The following TLE4 variants were observed in gnomAD, a reference collection of about 807,000 sequenced individuals.
The protein encoded by TLE4 is TLE family member 4, transcriptional corepressor.
Under a neutral mutation model 92.8 loss-of-function variants are expected in TLE4, and 8 were observed. That is an observed-to-expected ratio of 0.09 (90% CI 0.05 to 0.16). The LOEUF (loss-of-function observed/expected upper bound fraction) is 0.16, where lower values mean the gene tolerates loss of function less well. TLE4 is among the 10% of genes least tolerant of loss of function. TLE4 has a pLI of 1.00. For missense variants in TLE4, 675 were observed against 997.6 expected (o/e 0.68, Z 4.36); for synonymous variants, 371 against 374.1 (o/e 0.99, Z 0.10).
intron 8 of TLE4, among the ~76,000 whole-genome samples, chr9:79,696,317 TTCTG>T (rs562689258): frequency 1.2e-4 from 18 of 152,202 alleles, no homozygotes; most frequent in South Asian, 8.3e-4. Context: ...CACATTATAT[TTCTG>T]TCTGTCAGCG....
At chr9:79,707,135 G>A in intron 11 of TLE4, 1 of 1,613,040 alleles carries the variant, frequency 6.2e-7, no homozygotes, top group Non-Finnish European at 8.5e-7. Flanking sequence ...GAGGGATATG[G>A]GGAAATTGAG....
At chr9:79,708,400 C>A in intron 12 of TLE4, 150 bp downstream of exon 12, 2 of 1,143,908 alleles carry the variant, frequency 1.7e-6, no homozygotes, top group Non-Finnish European at 2.4e-6. Flanking sequence ...CACCTGGGAC[C>A]AACCTTGTCT....
intron 6 of TLE4, among the ~76,000 whole-genome samples, chr9:79,650,150 A>G (rs1484315616): frequency 1.3e-5 from 2 of 152,094 alleles, no homozygotes; most frequent in Non-Finnish European, 2.9e-5. Context: ...TCCTGGGCTC[A>G]AGTGATCTGA....
At chr9:79,582,548 C>T (rs116182992) in intron 4 of TLE4, among the ~76,000 whole-genome samples, 2 of 148,748 alleles carry the variant, frequency 1.3e-5, no homozygotes, top group Non-Finnish European at 1.5e-5. Flanking sequence ...TCTTTTTTTT[C>T]TTGTGTTATA....
At chr9:79,682,071 G>C (rs898026117) in intron 8 of TLE4, among the ~76,000 whole-genome samples, 3 of 151,958 alleles carry the variant, frequency 2.0e-5, no homozygotes, top group South Asian at 2.1e-4. Flanking sequence ...ATTGGCAGTT[G>C]GTTGGAGTTT....
chr9:79,698,887 A>ATG (rs1291298080), intron 8 of TLE4, among the ~76,000 whole-genome samples: 1 of 149,100 alleles, frequency 6.7e-6, no homozygotes, highest in Non-Finnish European at 1.5e-5. Flanking sequence ...ATATATATAT[A>ATG]TGTATATCCT....
chr9:79,676,702 T>G (rs2063319229), intron 8 of TLE4, among the ~76,000 whole-genome samples: 1 of 152,154 alleles, frequency 6.6e-6, no homozygotes, highest in Non-Finnish European at 1.5e-5. Flanking sequence ...TAGCCTTATC[T>G]ATGACGTCTG....
At chr9:79,605,807 T>G (rs1366577679) in intron 4 of TLE4, among the ~76,000 whole-genome samples, 3 of 152,162 alleles carry the variant, frequency 2.0e-5, no homozygotes, top group Non-Finnish European at 4.4e-5. Flanking sequence ...CATTGGGTAC[T>G]TTAAAGCACA....
At position 79,584,017 on chromosome 9, in the gene TLE4, A is replaced by G. The variant is rs76445472; in HGVS notation, c.252+7840A>G. On this transcript the variant is annotated intron_variant, in intron 4 of 19. Coordinates refer to ENST00000376552, the MANE Select transcript of TLE4 (RefSeq NM_007005.6). Reference sequence around the variant, plus strand: ...AAGAGACTAGCCCAGTGTCACAGTCAGGGAGGATCAGCACGGGGGTGGAGA... The same window carrying G: ...AAGAGACTAGCCCAGTGTCACAGTCGGGGAGGATCAGCACGGGGGTGGAGA... Among the ~76,000 whole-genome samples the G allele has an allele frequency of 4.5e-3, 688 of 152,314 alleles. 5 individuals carry two copies. Among genetic ancestry groups the G allele is most frequent in the African/African-American group, 0.016 (649 of 41,568 alleles).
intron 6 of TLE4, among the ~76,000 whole-genome samples, chr9:79,638,843 C>T (rs1222743327): frequency 6.6e-6 from 1 of 152,086 alleles, no homozygotes; most frequent in East Asian, 1.9e-4. Context: ...CAGCTAATAG[C>T]TTCAGAATGG....
chr9:79,626,394 G>GA (rs2052614768), intron 5 of TLE4, among the ~76,000 whole-genome samples: 1 of 152,210 alleles, frequency 6.6e-6, no homozygotes, highest in African/African-American at 2.4e-5. Context: ...CAGATGTACA[G>GA]AGGAGTACTT....
chr9:79,634,715 T>C (rs1405024232), intron 6 of TLE4, among the ~76,000 whole-genome samples: 1 of 152,172 alleles, frequency 6.6e-6, no homozygotes, highest in Non-Finnish European at 1.5e-5. Flanking sequence ...GTGAGCCTTT[T>C]TGACAATGTC....
chr9:79,680,397 G>T (rs1269088198), intron 8 of TLE4, among the ~76,000 whole-genome samples: 1 of 152,152 alleles, frequency 6.6e-6, no homozygotes, highest in African/African-American at 2.4e-5. Context: ...TTGAAGCAAT[G>T]GGAGTTCACT....
intron 4 of TLE4, among the ~76,000 whole-genome samples, chr9:79,582,371 AG>A (rs967394379): frequency 1.3e-5 from 2 of 152,186 alleles, no homozygotes; most frequent in African/African-American, 2.4e-5. Context: ...CTTTGTATCT[AG>A]GTATATATCA....
chr9:79,680,535 A>T (rs904703613), intron 8 of TLE4, among the ~76,000 whole-genome samples: 1 of 152,288 alleles, frequency 6.6e-6, no homozygotes, highest in East Asian at 1.9e-4. Flanking sequence ...GGCTGAGACA[A>T]TGGAGTTTTC....
intron 8 of TLE4, among the ~76,000 whole-genome samples, chr9:79,659,246 C>G (rs2060190002): frequency 6.6e-6 from 1 of 152,168 alleles, no homozygotes; most frequent in Non-Finnish European, 1.5e-5. Flanking sequence ...CTACAAAGTA[C>G]AAAGAACGCC....
chr9:79,664,207 G>A (rs2061014295), intron 8 of TLE4, among the ~76,000 whole-genome samples: 1 of 152,240 alleles, frequency 6.6e-6, no homozygotes, highest in African/African-American at 2.4e-5. Flanking sequence ...GCATTCAGCA[G>A]TGCAGGGATT....
At chr9:79,685,504 A>C (rs1463307397) in intron 8 of TLE4, among the ~76,000 whole-genome samples, 1 of 152,214 alleles carries the variant, frequency 6.6e-6, no homozygotes, top group Non-Finnish European at 1.5e-5. Flanking sequence ...ATGATAATGT[A>C]TTATAACCAT....
intron 4 of TLE4, among the ~76,000 whole-genome samples, chr9:79,602,773 T>C (rs953628683): frequency 2.0e-5 from 3 of 152,186 alleles, no homozygotes; most frequent in Non-Finnish European, 2.9e-5. Context: ...ATTTACTATT[T>C]AAGAAATACA....
Sources: gnomAD v4.1 joint callset for allele counts (sites outside exome capture counted in the v4.1 genomes callset) on GRCh38, gnomAD v4.1.1 for gene constraint, MANE v1.5 for transcripts, NCBI Gene and HGNC (gene_info 2026-07-23, HGNC 2026-07-21) for gene names.